Variants in DST observed in about 807,000 individuals in gnomAD.
The protein encoded by DST is dystonin, also known as bullous pemphigoid antigen.
In DST, 253 loss-of-function variants were observed where a neutral mutation model predicts 875.2. The ratio of observed to expected loss-of-function variants is 0.29; its 90% CI spans 0.26 to 0.32. The LOEUF (loss-of-function observed/expected upper bound fraction) is 0.32. DST is among the 10% of genes least tolerant of loss of function. The pLI, the probability that DST is intolerant of heterozygous loss-of-function variation, is 1.00. For missense variants in DST, 8,287 were observed against 9,111.6 expected (o/e 0.91, Z 3.68); for synonymous variants, 3,124 against 3,197.1 (o/e 0.98, Z 0.77).
At position 56,954,671 on chromosome 6, in the gene DST, C is replaced by T. The variant is rs900792062; in HGVS notation, c.-84G>A. ...CCGCGCTGGGCGCACGCCGGGACGG[C>T]GGGCACGGGTGAGCGCGGCTCAGCG... On this transcript the variant is annotated 5_prime_UTR_variant, in exon 1 of 104. Coordinates refer to ENST00000680361, the MANE Select transcript of DST (RefSeq NM_001374736.1). 13 of 984,850 alleles carry T rather than the reference C, an allele frequency of 1.3e-5. No individual in the cohort carries two copies. In the Admixed American group the frequency reaches 2.2e-4, roughly 17 times the overall value. 61.0% of individuals were successfully genotyped at this position (984,850 alleles called of 1,614,324 possible).
chr6:56,542,855 C>G (rs145749001), intron 61 of DST: 6,530 of 152,422 alleles, frequency 0.043, 164 homozygotes, highest in African/African-American at 0.068. Context: ...CAGCTCTCTA[C>G]CACTTCGGTG....
intron 61 of DST, among the ~76,000 whole-genome samples, chr6:56,543,587 A>G (rs2097175023): frequency 1.3e-5 from 2 of 152,234 alleles, no homozygotes; most frequent in Admixed American, 1.3e-4. Flanking sequence ...AGGAAATTTA[A>G]TAGTTTTATT....
At position 56,921,704 on chromosome 6, in the gene DST, C is replaced by T. The variant is rs1016360025; in HGVS notation, c.217-21083G>A. 3.9e-5 allele frequency among the ~76,000 whole-genome samples: 6 copies of T among 151,950 alleles called. No homozygotes were observed. In the South Asian group the frequency reaches 8.3e-4, roughly 21 times the overall value. ...TATATGTATATGTATATAATTGATA[C>T]GTAAATACATATACATATTGAGTGT... On this transcript the variant is annotated intron_variant, in intron 2 of 103. Coordinates refer to ENST00000680361, the MANE Select transcript of DST (RefSeq NM_001374736.1).
chr6:56,560,191 CA>C, intron 58 of DST, 102 bp downstream of exon 58: 1 of 1,172,640 alleles, frequency 8.5e-7, no homozygotes, highest in Non-Finnish European at 1.1e-6. Flanking sequence ...AAAGCAAATC[CA>C]AAAATAAGTG....
intron 2 of DST, among the ~76,000 whole-genome samples, chr6:56,932,358 GAA>G (rs901880025): frequency 6.6e-6 from 1 of 152,044 alleles, no homozygotes; most frequent in African/African-American, 2.4e-5. Flanking sequence ...TTTTCTTCCA[GAA>G]AAAGTCTTCC....
At chr6:56,781,118 G>A (rs1382565655) in intron 4 of DST, among the ~76,000 whole-genome samples, 1 of 152,136 alleles carries the variant, frequency 6.6e-6, no homozygotes, top group East Asian at 1.9e-4. Flanking sequence ...TGCTGTTTTG[G>A]TTACTGTAGC....
chr6:56,863,521 C>T (rs2127595777), intron 3 of DST, among the ~76,000 whole-genome samples: 1 of 152,200 alleles, frequency 6.6e-6, no homozygotes, highest in East Asian at 1.9e-4. Flanking sequence ...CAGCCCACAC[C>T]CCTCTCCTCC....
chr6:56,707,663 C>A (rs180693880), intron 5 of DST, among the ~76,000 whole-genome samples: 2 of 152,264 alleles, frequency 1.3e-5, no homozygotes, highest in Admixed American at 6.5e-5. Context: ...CACTCCAGGA[C>A]AGTTAAAGAT....
intron 22 of DST, 66 bp from the exon 23 acceptor site, chr6:56,636,718 T>C: frequency 8.0e-7 from 1 of 1,246,468 alleles, no homozygotes; most frequent in Admixed American, 1.7e-5. Context: ...CCTTTTGATA[T>C]CGATGCTTCT....
chr6:56,642,733 G>C, intron 15 of DST: 1 of 1,614,072 alleles, frequency 6.2e-7, no homozygotes, highest in Non-Finnish European at 8.5e-7. Context: ...TCGAGTGCTG[G>C]TAGTGTTACT....
Position 56,639,925 on chromosome 6 carries a change from A to G in DST, c.2619+4T>C, listed in dbSNP as rs770249608. 11 of 1,611,384 alleles carry G rather than the reference A, an allele frequency of 6.8e-6. 1 individual carries two copies. In the South Asian group the frequency reaches 1.2e-4, roughly 18 times the overall value. ...AAATATATACAAATTTTAAATTCAC[A>G]TACCTCACTGATTTTAGCTTCTTTG... is the stretch of plus-strand genomic sequence containing the variant. On this transcript the variant is annotated splice_donor_region_variant and intron_variant, in intron 19 of 103. Coordinates refer to ENST00000680361, the MANE Select transcript of DST (RefSeq NM_001374736.1).
rs1267521536 is a variant in DST at position 56,471,107 on chromosome 6, T to C, written c.22320A>G (p.Ser7440=). Residue 7440 remains serine, a splice_region_variant and synonymous_variant, in exon 95 of 104, where the codon TCA becomes TCG. Transcript: ENST00000680361. ...RQEFIDGILS[S]KFPTSRLEMS... ...ATAGTCATCTGTCTTGGAACTTACT[T>C]GAGGAAAGAATTCCATCAATAAATT... is the stretch of plus-strand genomic sequence containing the variant. The C allele has an allele frequency of 6.2e-7, 1 of 1,611,066 alleles. No individual in the cohort carries two copies. Among genetic ancestry groups the C allele is most frequent in the Non-Finnish European group, 8.5e-7 (1 of 1,178,484 alleles).
Position 56,781,458 on chromosome 6 carries a change from C to T in DST, c.626-46169G>A, listed in dbSNP as rs532990056. ...TTCACGTCCCTTGTAAGTTGGATTC[C>T]TAAGTATTTTATTCTCTTGGAAGCA... On this transcript the variant is annotated intron_variant, in intron 4 of 103. Coordinates refer to ENST00000680361, the MANE Select transcript of DST (RefSeq NM_001374736.1). 3.3e-3 allele frequency among the ~76,000 whole-genome samples: 508 copies of T among 152,158 alleles called. 4 individuals are homozygous for T. Among genetic ancestry groups the T allele is most frequent in the African/African-American group, 0.012 (493 of 41,494 alleles).
At chr6:56,684,085 A>G (rs1165995237) in intron 9 of DST, among the ~76,000 whole-genome samples, 1 of 152,230 alleles carries the variant, frequency 6.6e-6, no homozygotes, top group Non-Finnish European at 1.5e-5. Flanking sequence ...TAGTCAGCTG[A>G]ATCTGTAAAC....
rs575009012 is a variant in DST, at chr6:56,705,876, T to C, written c.688-1507A>G. Among the ~76,000 whole-genome samples, 9 of 152,358 alleles carry C rather than the reference T, an allele frequency of 5.9e-5. No individual in the cohort carries two copies. In the East Asian group the frequency reaches 1.7e-3, roughly 29 times the overall value. On this transcript the variant is annotated intron_variant, in intron 5 of 103. Transcript: ENST00000680361. ...AAGTCTCCATCTTTACAAATTGACA[T>C]TTTATTTTGATTTCCTAATTCCCAA... is the stretch of plus-strand genomic sequence containing the variant.
chr6:56,472,255 T>A (rs753443445), intron 93 of DST, 33 bp from the exon 94 acceptor site: 1 of 1,604,424 alleles, frequency 6.2e-7, no homozygotes, highest in Admixed American at 1.7e-5. Flanking sequence ...AGGATGGCAG[T>A]TTCCAGGGTG....
At chr6:56,619,830 T>G in intron 36 of DST, 1 of 1,614,194 alleles carries the variant, frequency 6.2e-7, no homozygotes, top group East Asian at 2.2e-5. Context: ...AAACGAGCCT[T>G]TTCCTCAGAT....
At chr6:56,628,578 G>C (rs538215378) in intron 32 of DST, among the ~76,000 whole-genome samples, 3 of 152,136 alleles carry the variant, frequency 2.0e-5, no homozygotes, top group Non-Finnish European at 4.4e-5. Flanking sequence ...TTTTCCAGGA[G>C]CTGTGATTAC....
intron 5 of DST, among the ~76,000 whole-genome samples, chr6:56,723,915 A>G (rs1039095337): frequency 6.6e-6 from 1 of 152,128 alleles, no homozygotes; most frequent in African/African-American, 2.4e-5. Context: ...TGCTCCCCCA[A>G]CCCAGGGTAT....
Sources: gnomAD v4.1 joint callset for allele counts (sites outside exome capture counted in the v4.1 genomes callset) on GRCh38, gnomAD v4.1.1 for gene constraint, MANE v1.5 for transcripts, NCBI Gene and HGNC (gene_info 2026-07-23, HGNC 2026-07-21) for gene names.